ARHGAP32: variants seen among roughly 807,000 people sequenced by gnomAD.
ARHGAP32 encodes the protein rho GTPase-activating protein 32.
In ARHGAP32, 51 loss-of-function variants were observed where a neutral mutation model predicts 186.5. The ratio of observed to expected loss-of-function variants is 0.27; its 90% CI spans 0.22 to 0.35. The LOEUF (loss-of-function observed/expected upper bound fraction) is 0.35, where lower values mean the gene tolerates loss of function less well. Ranked by LOEUF, ARHGAP32 falls within the 10% of genes least tolerant of loss-of-function variation. ARHGAP32 has a pLI of 1.00. For missense variants in ARHGAP32, 2,186 were observed against 2,623.5 expected (o/e 0.83, Z 3.64); for synonymous variants, 950 against 964.3 (o/e 0.99, Z 0.27).
At chr11:129,042,306 T>TCA (rs1939630402) in intron 10 of ARHGAP32, among the ~76,000 whole-genome samples, 1 of 152,142 alleles carries the variant, frequency 6.6e-6, no homozygotes, top group African/African-American at 2.4e-5. Flanking sequence ...ATGCACCACC[T>TCA]CACCTGGCTA....
chr11:129,149,857 A>G (rs886256809), intron 2 of ARHGAP32, among the ~76,000 whole-genome samples: 4 of 152,186 alleles, frequency 2.6e-5, no homozygotes, highest in Non-Finnish European at 5.9e-5. Context: ...AGAAGACACC[A>G]GAAAAATGTG....
At chr11:128,994,807 T>C (rs1347578668) in intron 12 of ARHGAP32, among the ~76,000 whole-genome samples, 1 of 152,200 alleles carries the variant, frequency 6.6e-6, no homozygotes, top group Non-Finnish European at 1.5e-5. Context: ...ATATCCTTCT[T>C]ATGAATATTT....
In ARHGAP32 at chr11:129,243,537, T is replaced by C. The variant is rs372991274; in HGVS notation, c.-5+35609A>G. Among the ~76,000 whole-genome samples, 6 of 152,316 alleles carry C rather than the reference T, an allele frequency of 3.9e-5. No homozygotes were observed. The East Asian group carries it at 9.6e-4, about 24-fold the overall frequency. On this transcript the variant is annotated intron_variant, in intron 1 of 6. Transcript: ENST00000525234. ...CTCTCCTACCTCCACCAAACCATTC[T>C]GCAGATATTCCATCTTCCTAAAACA...
intron 5 of ARHGAP32, among the ~76,000 whole-genome samples, chr11:129,100,628 C>A (rs539031114): frequency 1.1e-4 from 17 of 152,226 alleles, no homozygotes; most frequent in African/African-American, 4.1e-4. Flanking sequence ...GTAGACGGAG[C>A]CTTGGTGGGC....
At chr11:129,232,120 T>C (rs1361903424) in intron 1 of ARHGAP32, among the ~76,000 whole-genome samples, 1 of 151,710 alleles carries the variant, frequency 6.6e-6, no homozygotes, top group Non-Finnish European at 1.5e-5. Context: ...CCCACAGGTG[T>C]TGATACCAGT....
intron 6 of ARHGAP32, among the ~76,000 whole-genome samples, chr11:129,069,462 T>C (rs1442342967): frequency 1.3e-5 from 2 of 152,032 alleles, no homozygotes; most frequent in African/African-American, 4.8e-5. Context: ...CTCAGGATAT[T>C]TAGCAGAACA....
chr11:129,193,587 A>ATAATATATATATATT (rs1491150648), upstream of ARHGAP32, among the ~76,000 whole-genome samples: 8 of 52,032 alleles, frequency 1.5e-4, no homozygotes, highest in African/African-American at 5.5e-4. Context: ...TATATTATAT[A>ATAATATATATATATT]ATATATGTTA....
chr11:128,990,239 G>A (rs144297406), intron 12 of ARHGAP32, among the ~76,000 whole-genome samples: 1 of 152,148 alleles, frequency 6.6e-6, no homozygotes, highest in Non-Finnish European at 1.5e-5. Flanking sequence ...CCCACAAGTA[G>A]AGGTGGCTGA....
chr11:129,112,251 T>A (rs1009746758), intron 5 of ARHGAP32, among the ~76,000 whole-genome samples: 18 of 149,264 alleles, frequency 1.2e-4, no homozygotes, highest in Non-Finnish European at 2.4e-4. Context: ...AAAAAAAAAA[T>A]TTCACCATTA....
At chr11:129,015,079 T>A (rs1938271494) in intron 11 of ARHGAP32, among the ~76,000 whole-genome samples, 2 of 152,178 alleles carry the variant, frequency 1.3e-5, no homozygotes, top group Non-Finnish European at 2.9e-5. Flanking sequence ...GTTCTGAAAA[T>A]TCTGCTCTTC....
At chr11:129,040,707 G>T (rs745748220) in intron 11 of ARHGAP32, among the ~76,000 whole-genome samples, 6 of 152,086 alleles carry the variant, frequency 3.9e-5, no homozygotes, top group Admixed American at 1.3e-4. Context: ...AAGCTTAATG[G>T]AGCAATTGCC....
intron 11 of ARHGAP32, among the ~76,000 whole-genome samples, chr11:129,005,208 T>A (rs1937698909): frequency 6.6e-6 from 1 of 152,200 alleles, no homozygotes; most frequent in Non-Finnish European, 1.5e-5. Flanking sequence ...TCTATTTATA[T>A]CTTATACTGT....
chr11:129,008,667 T>A (rs1172671736), intron 11 of ARHGAP32, among the ~76,000 whole-genome samples: 6 of 152,208 alleles, frequency 3.9e-5, no homozygotes, highest in Admixed American at 3.3e-4. Flanking sequence ...TGAAAAAAAA[T>A]TATTATTTTC....
intron 1 of ARHGAP32, among the ~76,000 whole-genome samples, chr11:129,249,935 G>A (rs925241069): frequency 6.6e-6 from 1 of 152,062 alleles, no homozygotes; most frequent in Non-Finnish European, 1.5e-5. Flanking sequence ...CTGTGAGGCA[G>A]GGCGTGGTGG....
chr11:129,058,606 G>A (rs924010221), intron 10 of ARHGAP32, among the ~76,000 whole-genome samples: 1 of 152,210 alleles, frequency 6.6e-6, no homozygotes, highest in Non-Finnish European at 1.5e-5. Context: ...AAGGCCTGAA[G>A]GAGGCCAGCC....
chr11:128,968,950 T>G lies in ARHGAP32; in HGVS notation c.6263A>C (p.Glu2088Ala), dbSNP rs527364596. ...ALGQGAFLPA[E>A]LSLQHPETQI... is the part of the protein sequence containing the mutation. ...TGTTTCAGGATGCTGCAAGGACAACTCTGCGGGCAGGAAGGCCCCTTGACC... is the reference window on the plus strand; with the variant it reads ...TGTTTCAGGATGCTGCAAGGACAACGCTGCGGGCAGGAAGGCCCCTTGACC... Residue 2088 changes from glutamate (E) to alanine (A), a missense_variant, in exon 23 of 23, where the codon GAG (glutamate) becomes GCG (alanine). Glu to Ala is a moderately radical substitution (Grantham distance 107). Transcript: ENST00000682385. 2.9e-5 allele frequency: 46 copies of G among 1,560,054 alleles called. No homozygotes were observed. In the Admixed American group the frequency reaches 8.4e-4, roughly 28 times the overall value.
At chr11:129,155,579 A>G (rs543698971) in intron 2 of ARHGAP32, among the ~76,000 whole-genome samples, 47 of 152,344 alleles carry the variant, frequency 3.1e-4, no homozygotes, top group African/African-American at 1.0e-3. Flanking sequence ...TTCATAAAAA[A>G]TAACAAGATT....
Position 129,247,254 on chromosome 11 carries a change from T to C in ARHGAP32, c.-5+31892A>G, listed in dbSNP as rs1186916480. The stretch of plus-strand genomic sequence containing the variant: ...TCTGTTTACATGCTAAAAGTATAAA[T>C]GATGTGCAGACCCAGTTTTGTTCAT... On this transcript the variant is annotated intron_variant, in intron 1 of 6. Transcript: ENST00000525234. Among the ~76,000 whole-genome samples, 3 of 152,066 alleles carry C rather than the reference T, an allele frequency of 2.0e-5. No individual in the cohort carries two copies. The East Asian group carries it at 5.8e-4, about 29-fold the overall frequency.
At chr11:129,080,167 C>T (rs1332176963) in intron 6 of ARHGAP32, among the ~76,000 whole-genome samples, 1 of 152,076 alleles carries the variant, frequency 6.6e-6, no homozygotes, top group Non-Finnish European at 1.5e-5. Context: ...GACTTCAATA[C>T]TCTCCTGACA....
Sources: gnomAD v4.1 joint callset for allele counts (sites outside exome capture counted in the v4.1 genomes callset) on GRCh38, gnomAD v4.1.1 for gene constraint, MANE v1.5 for transcripts, NCBI Gene and HGNC (gene_info 2026-07-23, HGNC 2026-07-21) for gene names.